VTI1A: variants seen among roughly 807,000 people sequenced by gnomAD.
The protein encoded by VTI1A is vesicle transport through interaction with t-SNAREs homolog 1A.
Under a neutral mutation model 34.9 loss-of-function variants are expected in VTI1A, and 22 were observed. That is an observed-to-expected ratio of 0.63 (90% CI 0.45 to 0.90). The LOEUF (loss-of-function observed/expected upper bound fraction) is 0.90. Among genes scored for constraint, VTI1A ranks in the 40% least tolerant of loss-of-function variants. The pLI is 0.00. For missense variants in VTI1A, 268 were observed against 275.6 expected, an observed-to-expected ratio of 0.97 and a Z score of 0.20; for synonymous variants, 87 against 97.3, an observed-to-expected ratio of 0.89 and a Z score of 0.62.
intron 7 of VTI1A, among the ~76,000 whole-genome samples, chr10:112,722,674 T>C (rs537750531): frequency 6.6e-6 from 1 of 152,292 alleles, no homozygotes; most frequent in African/African-American, 2.4e-5. Flanking sequence ...CCCTTGTTGC[T>C]CGTGAGAATC....
At chr10:112,583,269 A>G (rs962653665) in intron 5 of VTI1A, among the ~76,000 whole-genome samples, 1 of 152,214 alleles carries the variant, frequency 6.6e-6, no homozygotes, top group African/African-American at 2.4e-5. Flanking sequence ...TTAAGCCCGG[A>G]TAACAACTTC....
At chr10:112,595,561 A>T (rs1435207641) in intron 5 of VTI1A, among the ~76,000 whole-genome samples, 1 of 152,246 alleles carries the variant, frequency 6.6e-6, no homozygotes, top group Admixed American at 6.5e-5. Flanking sequence ...ACATGAAAAA[A>T]TGCTCATTAT....
chr10:112,507,294 T>C (rs1173517691), intron 3 of VTI1A, among the ~76,000 whole-genome samples: 1 of 152,204 alleles, frequency 6.6e-6, no homozygotes, highest in Non-Finnish European at 1.5e-5. Flanking sequence ...CTGTGCTTTA[T>C]AGCACCACTG....
chr10:112,479,004 T>C (rs897495551), intron 3 of VTI1A, among the ~76,000 whole-genome samples: 2 of 151,992 alleles, frequency 1.3e-5, no homozygotes, highest in Admixed American at 6.6e-5. Flanking sequence ...CTGTCTGTAC[T>C]AAAAATACAA....
At chr10:112,510,967 C>T (rs932145521) in intron 3 of VTI1A, among the ~76,000 whole-genome samples, 5 of 152,242 alleles carry the variant, frequency 3.3e-5, no homozygotes, top group Non-Finnish European at 7.4e-5. Flanking sequence ...CATTAGCTAT[C>T]ATTTCTTCAA....
intron 5 of VTI1A, among the ~76,000 whole-genome samples, chr10:112,662,695 A>G (rs538066584): frequency 1.3e-5 from 2 of 152,096 alleles, no homozygotes; most frequent in East Asian, 3.9e-4. Flanking sequence ...GTTTTTTTGC[A>G]TGTCACAATT....
intron 7 of VTI1A, among the ~76,000 whole-genome samples, chr10:112,708,448 A>G (rs1375222364): frequency 6.6e-6 from 1 of 152,208 alleles, no homozygotes; most frequent in African/African-American, 2.4e-5. Flanking sequence ...TTTTTTTCAA[A>G]TAAGGTCCCA....
chr10:112,523,672 A>C (rs930971800), intron 3 of VTI1A, among the ~76,000 whole-genome samples: 9 of 152,250 alleles, frequency 5.9e-5, no homozygotes, highest in African/African-American at 2.2e-4. Context: ...TACAAACTGC[A>C]TAGAGCTTCT....
intron 3 of VTI1A, among the ~76,000 whole-genome samples, chr10:112,520,376 A>G (rs1192245918): frequency 1.3e-5 from 2 of 152,046 alleles, no homozygotes; most frequent in African/African-American, 4.8e-5. Context: ...TGGGGCCATG[A>G]TACTAACTTA....
At chr10:112,732,349 TTCC>T (rs1414701220) in intron 7 of VTI1A, among the ~76,000 whole-genome samples, 2 of 152,180 alleles carry the variant, frequency 1.3e-5, no homozygotes, top group Non-Finnish European at 2.9e-5. Flanking sequence ...CATAATCCAC[TTCC>T]TTTGGGTTCA....
intron 5 of VTI1A, among the ~76,000 whole-genome samples, chr10:112,636,870 C>T (rs1457351575): frequency 1.3e-5 from 2 of 151,958 alleles, no homozygotes; most frequent in Admixed American, 6.6e-5. Flanking sequence ...ACAACCATAG[C>T]AAAACAAAAT....
intron 1 of VTI1A, among the ~76,000 whole-genome samples, chr10:112,454,658 A>G (rs574441369): frequency 1.7e-4 from 26 of 151,958 alleles, no homozygotes; most frequent in African/African-American, 6.0e-4. Flanking sequence ...AAGATCATAC[A>G]TACTATGCTA....
At chr10:112,534,848 T>C (rs2134244400) in intron 4 of VTI1A, among the ~76,000 whole-genome samples, 1 of 152,328 alleles carries the variant, frequency 6.6e-6, no homozygotes, top group Non-Finnish European at 1.5e-5. Flanking sequence ...ATATTCATGT[T>C]TAGGTGAAGA....
At chr10:112,716,904 G>A (rs1306286814) in intron 7 of VTI1A, among the ~76,000 whole-genome samples, 4 of 152,224 alleles carry the variant, frequency 2.6e-5, no homozygotes, top group Non-Finnish European at 5.9e-5. Flanking sequence ...GGGAGCCAGG[G>A]TTTGAGCCAG....
intron 7 of VTI1A, among the ~76,000 whole-genome samples, chr10:112,710,705 T>A (rs970251046): frequency 4.6e-5 from 7 of 152,184 alleles, no homozygotes; most frequent in Non-Finnish European, 8.8e-5. Flanking sequence ...CCCGGGTCAG[T>A]AGCATAAGTT....
intron 7 of VTI1A, among the ~76,000 whole-genome samples, chr10:112,722,113 AGG>A (rs1360152056): frequency 6.6e-6 from 1 of 152,242 alleles, no homozygotes; most frequent in African/African-American, 2.4e-5. Context: ...TTAAGGGTAC[AGG>A]GTTTTCTCTT....
intron 7 of VTI1A, among the ~76,000 whole-genome samples, chr10:112,779,831 A>G (rs907655592): frequency 6.6e-6 from 1 of 152,156 alleles, no homozygotes; most frequent in Non-Finnish European, 1.5e-5. Flanking sequence ...TTTCAACGTT[A>G]TTATTAAATA....
intron 3 of VTI1A, among the ~76,000 whole-genome samples, chr10:112,522,729 A>T (rs566148925): frequency 2.6e-5 from 4 of 152,076 alleles, no homozygotes; most frequent in African/African-American, 4.8e-5. Flanking sequence ...TGTGGGTATT[A>T]ATTTAGTGAA....
At chr10:112,613,731 C>T (rs1357582731) in intron 5 of VTI1A, among the ~76,000 whole-genome samples, 1 of 152,250 alleles carries the variant, frequency 6.6e-6, no homozygotes, top group African/African-American at 2.4e-5. Flanking sequence ...GGCTGCCCTT[C>T]ATTAGCCCTC....
Sources: allele counts gnomAD v4.1 joint callset (sites outside exome capture counted in the v4.1 genomes callset), GRCh38; gene constraint gnomAD v4.1.1; transcripts MANE v1.5; gene names NCBI Gene and HGNC (gene_info 2026-07-23, HGNC 2026-07-21).